TENM2: variants seen among roughly 807,000 people sequenced by gnomAD.
The protein encoded by TENM2 is teneurin transmembrane protein 2.
In TENM2, 52 loss-of-function variants were observed where a neutral mutation model predicts 245.2. The observed-to-expected ratio is 0.21, with a 90% CI of 0.17 to 0.27. The LOEUF (loss-of-function observed/expected upper bound fraction) is 0.27. Ranked by LOEUF, TENM2 falls within the 10% of genes least tolerant of loss-of-function variation. TENM2 has a pLI of 1.00. For missense variants in TENM2, 3,046 were observed against 3,666.8 expected (o/e 0.83, Z 4.37); for synonymous variants, 1,363 against 1,438.9 (o/e 0.95, Z 1.19).
At chr5:167,200,592 G>A in the TENM2 span, among the ~76,000 whole-genome samples, 2 of 152,000 alleles carry the variant, frequency 1.3e-5, no homozygotes, top group African/African-American at 2.4e-5. Context: ...CCAATGTATA[G>A]CATGTTATGC....
intron 6 of TENM2, among the ~76,000 whole-genome samples, chr5:168,056,683 A>T (rs1231020184): frequency 6.6e-6 from 1 of 151,978 alleles, no homozygotes; most frequent in Non-Finnish European, 1.5e-5. Context: ...CTTCACTTTC[A>T]CTCACCACTC....
At chr5:167,937,102 C>A (rs893604896) in intron 3 of TENM2, among the ~76,000 whole-genome samples, 3 of 152,148 alleles carry the variant, frequency 2.0e-5, no homozygotes, top group Non-Finnish European at 4.4e-5. Flanking sequence ...TATTCATTAC[C>A]TCACATACTT....
At chr5:167,330,600 T>C (rs187984607) in intron 1 of TENM2, among the ~76,000 whole-genome samples, 2,011 of 152,154 alleles carry the variant, frequency 0.013, 49 homozygotes, top group African/African-American at 0.046. Context: ...GTGCTTCCAT[T>C]CCACCAAGTG....
the TENM2 span, among the ~76,000 whole-genome samples, chr5:167,071,597 A>G: frequency 6.6e-6 from 1 of 152,312 alleles, no homozygotes; most frequent in East Asian, 1.9e-4. Flanking sequence ...ATTCTCATAT[A>G]ATCATATACC....
At chr5:167,094,251 G>A in the TENM2 span, among the ~76,000 whole-genome samples, 4 of 151,952 alleles carry the variant, frequency 2.6e-5, no homozygotes, top group Admixed American at 2.0e-4. Flanking sequence ...AGTTTTGCAC[G>A]TGTATACTCT....
intron 2 of TENM2, among the ~76,000 whole-genome samples, chr5:167,559,721 C>A (rs577435573): frequency 6.6e-6 from 1 of 152,086 alleles, no homozygotes; most frequent in South Asian, 2.1e-4. Flanking sequence ...TCTTATGTAT[C>A]CCATATCATA....
At chr5:168,160,205 C>T (rs1025777896) in intron 12 of TENM2, among the ~76,000 whole-genome samples, 1 of 152,180 alleles carries the variant, frequency 6.6e-6, no homozygotes, top group Non-Finnish European at 1.5e-5. Flanking sequence ...CCTTGAGAAC[C>T]TGTGAAATGT....
At chr5:168,004,476 G>T (rs1784645787) in intron 5 of TENM2, among the ~76,000 whole-genome samples, 1 of 151,002 alleles carries the variant, frequency 6.6e-6, no homozygotes. Context: ...AGAAGGGAAG[G>T]GAGGTCAGCC....
intron 2 of TENM2, among the ~76,000 whole-genome samples, chr5:167,426,887 A>G (rs1015037686): frequency 6.6e-6 from 1 of 152,172 alleles, no homozygotes; most frequent in Non-Finnish European, 1.5e-5. Context: ...CATTATTTTC[A>G]CTACAAAAAC....
At chr5:167,623,131 C>G (rs1466658460) in intron 2 of TENM2, among the ~76,000 whole-genome samples, 1 of 152,086 alleles carries the variant, frequency 6.6e-6, no homozygotes, top group African/African-American at 2.4e-5. Context: ...GCTCTTAGCT[C>G]AAGAAATAGG....
chr5:167,663,529 C>T (rs17068925), intron 2 of TENM2, among the ~76,000 whole-genome samples: 29,940 of 151,904 alleles, frequency 0.2, 3,362 homozygotes, highest in East Asian at 0.49. Context: ...TGCAGCTTTA[C>T]TCCATTGTGA....
At chr5:167,208,541 A>C in the TENM2 span, among the ~76,000 whole-genome samples, 5 of 152,212 alleles carry the variant, frequency 3.3e-5, no homozygotes, top group African/African-American at 1.2e-4. Context: ...TTCTTAAAGC[A>C]TAGAGAATGC....
chr5:167,829,587 G>A (rs182356999), intron 2 of TENM2, among the ~76,000 whole-genome samples: 1 of 151,998 alleles, frequency 6.6e-6, no homozygotes, highest in African/African-American at 2.4e-5. Context: ...ATTATAATAG[G>A]TAATATTTAT....
intron 9 of TENM2, among the ~76,000 whole-genome samples, chr5:168,109,948 G>T (rs1425240903): frequency 6.6e-6 from 1 of 151,992 alleles, no homozygotes; most frequent in Non-Finnish European, 1.5e-5. Context: ...GTTTCTCATG[G>T]CAGTTGCGTT....
At chr5:167,676,726 G>T (rs969562056) in intron 2 of TENM2, among the ~76,000 whole-genome samples, 2 of 152,018 alleles carry the variant, frequency 1.3e-5, no homozygotes, top group African/African-American at 2.4e-5. Flanking sequence ...GCTTTATTCT[G>T]CATTCATCTC....
At chr5:168,045,772 T>G (rs1290631902) in intron 5 of TENM2, among the ~76,000 whole-genome samples, 1 of 152,222 alleles carries the variant, frequency 6.6e-6, no homozygotes. Flanking sequence ...CACCTGGTAA[T>G]TACAAATCAG....
At chr5:167,640,971 A>T (rs1462060208) in intron 2 of TENM2, among the ~76,000 whole-genome samples, 1 of 142,912 alleles carries the variant, frequency 7.0e-6, no homozygotes, top group African/African-American at 2.5e-5. Flanking sequence ...CACCACCTGA[A>T]AACTTGTCAA....
the TENM2 span, among the ~76,000 whole-genome samples, chr5:167,001,825 T>G: frequency 6.6e-6 from 1 of 152,016 alleles, no homozygotes; most frequent in South Asian, 2.1e-4. Flanking sequence ...CCATTTTAGC[T>G]CCCTCTCTTT....
chr5:167,413,596 C>A (rs1399697927), intron 2 of TENM2, among the ~76,000 whole-genome samples: 1 of 152,080 alleles, frequency 6.6e-6, no homozygotes, highest in Non-Finnish European at 1.5e-5. Context: ...GTTTACCTCC[C>A]TCAAATATCC....
Sources: allele counts gnomAD v4.1 joint callset (sites outside exome capture counted in the v4.1 genomes callset), GRCh38; gene constraint gnomAD v4.1.1; transcripts MANE v1.5; gene names NCBI Gene and HGNC (gene_info 2026-07-23, HGNC 2026-07-21).